LRP1B: variants seen among roughly 807,000 people sequenced by gnomAD.
LRP1B encodes LDL receptor related protein 1B.
Under a neutral mutation model 556.6 loss-of-function variants are expected in LRP1B, and 217 were observed. That is an observed-to-expected ratio of 0.39 (90% CI 0.35 to 0.44). The LOEUF is 0.44. LRP1B is among the 20% of genes least tolerant of loss of function. The pLI, the probability that LRP1B is intolerant of heterozygous loss-of-function variation, is 1.00. For synonymous variants in LRP1B, 2,047 were observed against 1,865.8 expected, an observed-to-expected ratio of 1.10 and a Z score of -2.50; for missense variants, 5,053 against 5,620.8, an observed-to-expected ratio of 0.90 and a Z score of 3.23.
At chr2:141,788,136 G>T (rs893743427) in intron 2 of LRP1B, among the ~76,000 whole-genome samples, 1 of 151,958 alleles carries the variant, frequency 6.6e-6, no homozygotes, top group African/African-American at 2.4e-5. Flanking sequence ...CAAGATTTAT[G>T]TGACAGGCCC....
chr2:141,974,164 G>C (rs1701819881), intron 1 of LRP1B, among the ~76,000 whole-genome samples: 1 of 151,914 alleles, frequency 6.6e-6, no homozygotes, highest in African/African-American at 2.4e-5. Context: ...TCTGAAATTA[G>C]AAAGACCTGG....
At chr2:140,991,087 G>T (rs1203430006) in intron 16 of LRP1B, among the ~76,000 whole-genome samples, 1 of 152,014 alleles carries the variant, frequency 6.6e-6, no homozygotes, top group African/African-American at 2.4e-5. Flanking sequence ...TATATTCTCT[G>T]GTATTTGAGC....
intron 14 of LRP1B, among the ~76,000 whole-genome samples, chr2:141,006,562 C>T (rs557127867): frequency 1.3e-5 from 2 of 152,044 alleles, no homozygotes; most frequent in African/African-American, 4.8e-5. Flanking sequence ...CATCATTGTG[C>T]GAACATCATA....
At chr2:141,480,678 T>C in intron 2 of LRP1B, 145 bp from the exon 3 acceptor site, 1 of 812,930 alleles carries the variant, frequency 1.2e-6, no homozygotes, top group Non-Finnish European at 2.1e-6. Context: ...TCAGAGACAT[T>C]GAAGTTAGCC....
chr2:141,475,094 C>T (rs1682647348), intron 3 of LRP1B, among the ~76,000 whole-genome samples: 1 of 152,102 alleles, frequency 6.6e-6, no homozygotes, highest in Non-Finnish European at 1.5e-5. Context: ...CACTTGGGGG[C>T]CAGGTGTGGT....
At chr2:141,869,941 G>A (rs114629143) in intron 1 of LRP1B, among the ~76,000 whole-genome samples, 1 of 151,990 alleles carries the variant, frequency 6.6e-6, no homozygotes, top group Non-Finnish European at 1.5e-5. Flanking sequence ...AGGAAGAGAA[G>A]TTTTATACAA....
intron 62 of LRP1B, among the ~76,000 whole-genome samples, chr2:140,455,944 C>T (rs1352226278): frequency 6.6e-6 from 1 of 152,050 alleles, no homozygotes; most frequent in Non-Finnish European, 1.5e-5. Flanking sequence ...ATACAGTAGA[C>T]AAGTTAACTC....
intron 18 of LRP1B, among the ~76,000 whole-genome samples, chr2:140,964,785 T>C (rs903928282): frequency 2.0e-5 from 3 of 152,210 alleles, no homozygotes; most frequent in Non-Finnish European, 4.4e-5. Flanking sequence ...TTTATTATAC[T>C]GGAACAGCTC....
At chr2:141,953,576 G>A (rs1701169341) in intron 1 of LRP1B, among the ~76,000 whole-genome samples, 1 of 151,908 alleles carries the variant, frequency 6.6e-6, no homozygotes, top group Non-Finnish European at 1.5e-5. Context: ...GAGCACTCAG[G>A]AAATGCATAT....
At position 141,254,637 on chromosome 2, in the gene LRP1B, C is replaced by T. The variant is rs1210277989; in HGVS notation, c.348G>A (p.Leu116=). 6.2e-7 allele frequency: 1 copy of T among 1,607,386 alleles called. No homozygotes were observed. Among genetic ancestry groups the T allele is most frequent in the East Asian group, 2.2e-5 (1 of 44,618 alleles). Residue 116 remains leucine (L), a synonymous_variant, in exon 4 of 91, where the codon CTG becomes CTA. Transcript: ENST00000389484. The stretch of plus-strand genomic sequence containing the variant: ...AATTCAGCTGTTGGCAATTGGATAA[C>T]AGTTCTGTAGAGAAAAAACAAATAT... ...GYDEGVHCQE[L]LSNCQQLNCQ...
intron 3 of LRP1B, among the ~76,000 whole-genome samples, chr2:141,294,380 T>G (rs1378237206): frequency 6.6e-6 from 1 of 151,926 alleles, no homozygotes; most frequent in Admixed American, 6.6e-5. Context: ...ATGTTTTAAT[T>G]TAATAATAGA....
At chr2:141,671,885 TC>T (rs1690682805) in intron 2 of LRP1B, among the ~76,000 whole-genome samples, 1 of 151,910 alleles carries the variant, frequency 6.6e-6, no homozygotes, top group Non-Finnish European at 1.5e-5. Flanking sequence ...ACTGAAGATC[TC>T]CTGTATCTCT....
chr2:140,904,284 T>C (rs539551018), intron 22 of LRP1B, among the ~76,000 whole-genome samples: 1 of 152,222 alleles, frequency 6.6e-6, no homozygotes, highest in African/African-American at 2.4e-5. Context: ...CACATCATTA[T>C]CTACCACTGT....
At chr2:140,327,343 A>G (rs535264720) in intron 79 of LRP1B, among the ~76,000 whole-genome samples, 1 of 152,270 alleles carries the variant, frequency 6.6e-6, no homozygotes, top group Admixed American at 6.5e-5. Context: ...CGAACTAAAT[A>G]TTTTGTTCCT....
At chr2:141,186,689 G>T (rs1681274246) in intron 7 of LRP1B, among the ~76,000 whole-genome samples, 1 of 152,044 alleles carries the variant, frequency 6.6e-6, no homozygotes, top group Non-Finnish European at 1.5e-5. Context: ...ATCCAGCAGA[G>T]AATAAGAGCA....
intron 35 of LRP1B, among the ~76,000 whole-genome samples, chr2:140,766,852 A>ATATATATTATATATATAT: frequency 1.9e-5 from 1 of 51,458 alleles, no homozygotes; most frequent in African/African-American, 4.6e-5. Context: ...TATTATATAT[A>ATATATATTATATATATAT]TATATATATA....
At chr2:140,866,244 G>A (rs1242181604) in intron 27 of LRP1B, among the ~76,000 whole-genome samples, 1 of 152,062 alleles carries the variant, frequency 6.6e-6, no homozygotes, top group African/African-American at 2.4e-5. Flanking sequence ...CATCTACAGT[G>A]TTTGCTTACA....
intron 35 of LRP1B, among the ~76,000 whole-genome samples, chr2:140,729,374 C>G (rs539847731): frequency 6.6e-6 from 1 of 152,088 alleles, no homozygotes; most frequent in African/African-American, 2.4e-5. Flanking sequence ...TAGAAATTGC[C>G]TATGCTTACT....
chr2:141,960,559 C>G (rs1701375041), intron 1 of LRP1B, among the ~76,000 whole-genome samples: 2 of 151,964 alleles, frequency 1.3e-5, no homozygotes, highest in Middle Eastern at 3.4e-3. Flanking sequence ...CAAAGTTTCT[C>G]TCCTCTAAAC....
Sources: gnomAD v4.1 joint callset for allele counts (sites outside exome capture counted in the v4.1 genomes callset) on GRCh38, gnomAD v4.1.1 for gene constraint, MANE v1.5 for transcripts, NCBI Gene and HGNC (gene_info 2026-07-23, HGNC 2026-07-21) for gene names.